Variants in CAMSAP1 observed in about 807,000 individuals in gnomAD.
CAMSAP1 encodes the protein calmodulin regulated spectrin associated protein 1.
Under a neutral mutation model 143.5 loss-of-function variants are expected in CAMSAP1, and 58 were observed. The ratio of observed to expected loss-of-function variants is 0.40; its 90% CI spans 0.33 to 0.50. The LOEUF (loss-of-function observed/expected upper bound fraction) is 0.50. Among genes scored for constraint, CAMSAP1 ranks in the 20% least tolerant of loss-of-function variants. The pLI is 0.45. For missense variants in CAMSAP1, 1,969 were observed against 2,115.7 expected, an observed-to-expected ratio of 0.93 and a Z score of 1.36; for synonymous variants, 945 against 859.3, an observed-to-expected ratio of 1.10 and a Z score of -1.74.
intron 7 of CAMSAP1, among the ~76,000 whole-genome samples, chr9:135,833,439 T>C (rs1835919289): frequency 1.3e-5 from 2 of 152,212 alleles, no homozygotes; most frequent in African/African-American, 2.4e-5. Flanking sequence ...TTTCAAATTA[T>C]ACTACAAAGC....
At position 135,815,083 on chromosome 9, in the gene CAMSAP1, A is replaced by C; in HGVS notation, c.4506+14T>G. On this transcript the variant is annotated intron_variant, in intron 16 of 16. Transcript: ENST00000389532. ...TATTCCACATAAAAACTGAGGTTGAAACATGATACTTGCCTCCAATATGGA... is the reference window on the plus strand; with the variant it reads ...TATTCCACATAAAAACTGAGGTTGACACATGATACTTGCCTCCAATATGGA... 2 of 1,572,606 alleles carry C rather than the reference A, an allele frequency of 1.3e-6. No individual in the cohort carries two copies. The highest frequency in any genetic ancestry group is 1.7e-6 in the Non-Finnish European group (2 of 1,145,338).
rs1364229363 is a variant in CAMSAP1, at chr9:135,907,226, G to C, written c.-67C>G. On this transcript the variant is annotated 5_prime_UTR_variant, in exon 1 of 17. Transcript: ENST00000389532. Reference sequence around the variant, plus strand: ...GGCGCCGCCGCCCCTCGCCGCGCCGGGCCCGGTGCGCCCCGAGCCACCACT... The same window carrying C: ...GGCGCCGCCGCCCCTCGCCGCGCCGCGCCCGGTGCGCCCCGAGCCACCACT... The C allele has an allele frequency of 6.1e-5, 60 of 977,412 alleles. No homozygotes were observed. The highest frequency in any genetic ancestry group is 7.0e-5 in the Non-Finnish European group (57 of 814,594). 60.5% of individuals were successfully genotyped at this position (977,412 alleles called of 1,614,324 possible). A position where few individuals can be genotyped will look rare whatever the true frequency, so the allele number is the denominator to read the frequency against.
intron 3 of CAMSAP1, among the ~76,000 whole-genome samples, chr9:135,879,095 G>T (rs1004619465): frequency 6.6e-6 from 1 of 152,198 alleles, no homozygotes; most frequent in African/African-American, 2.4e-5. Flanking sequence ...GAATGAGGAG[G>T]AGGGGAGTGG....
At chr9:135,827,606 A>G (rs769965097) in intron 7 of CAMSAP1, 22 bp from the exon 8 acceptor site, 5 of 1,543,646 alleles carry the variant, frequency 3.2e-6, no homozygotes, top group Non-Finnish European at 4.4e-6. Context: ...GCGTTTTTGC[A>G]TCGTTACTTA....
At position 135,811,112 on chromosome 9, in the gene CAMSAP1, T is replaced by C; in HGVS notation, c.*197A>G. Reference sequence around the variant, plus strand: ...CATCCTCACCCTGCCTGGCATCCTCTGCGTGAGATGAGCGCTGAGAGAGGG... The same window carrying C: ...CATCCTCACCCTGCCTGGCATCCTCCGCGTGAGATGAGCGCTGAGAGAGGG... On this transcript the variant is annotated 3_prime_UTR_variant, in exon 17 of 17. Coordinates refer to ENST00000389532, the MANE Select transcript of CAMSAP1 (RefSeq NM_015447.4). The surrounding 1 kb of genome is among the most constrained non-coding windows in gnomAD (Gnocchi z 4.9). 2 of 648,220 alleles carry C rather than the reference T, an allele frequency of 3.1e-6. No individual in the cohort carries two copies. The highest frequency in any genetic ancestry group is 2.6e-6 in the Non-Finnish European group (1 of 383,124). 40.2% of individuals were successfully genotyped at this position (648,220 alleles called of 1,614,324 possible).
Position 135,821,826 on chromosome 9 carries a change from C to G in CAMSAP1, c.2835G>C (p.Glu945Asp). ...FAKEYSQHNG[E>D]DCGDAVSKTE... Reference sequence around the variant, plus strand: ...TTTTGGAAACAGCGTCCCCACAGTCCTCCCCGTTGTGCTGAGAGTACTCCT... The same window carrying G: ...TTTTGGAAACAGCGTCCCCACAGTCGTCCCCGTTGTGCTGAGAGTACTCCT... Residue 945 changes from glutamate to aspartate, a missense_variant, in exon 11 of 17, where the codon GAG (glutamate) becomes GAC (aspartate). This residue lies in a region of CAMSAP1 where 1,390 missense variants were observed against 1,420.8 expected (regional missense o/e 0.98). Coordinates refer to ENST00000389532, the MANE Select transcript of CAMSAP1 (RefSeq NM_015447.4). The surrounding 1 kb of genome is among the most constrained non-coding windows in gnomAD (Gnocchi z 4.6). 6.2e-7 allele frequency: 1 copy of G among 1,614,044 alleles called. No homozygotes were observed. The highest frequency in any genetic ancestry group is 8.5e-7 in the Non-Finnish European group (1 of 1,179,910).
At chr9:135,878,152 C>A (rs1422600906) in intron 3 of CAMSAP1, among the ~76,000 whole-genome samples, 7 of 152,210 alleles carry the variant, frequency 4.6e-5, no homozygotes, top group African/African-American at 1.7e-4. Context: ...CCTCAGACGG[C>A]AGGGAGGCTC....
At chr9:135,889,568 C>G (rs1838226826) in intron 1 of CAMSAP1, among the ~76,000 whole-genome samples, 1 of 152,198 alleles carries the variant, frequency 6.6e-6, no homozygotes, top group East Asian at 1.9e-4. Context: ...AGACCAAGCC[C>G]GGAGCAGAGG....
intron 5 of CAMSAP1, among the ~76,000 whole-genome samples, chr9:135,851,833 C>A (rs574361845): frequency 6.6e-6 from 1 of 152,376 alleles, no homozygotes; most frequent in Non-Finnish European, 1.5e-5. Context: ...GCTGCCATCA[C>A]AAAGCTTGCG....
chr9:135,873,482 G>C (rs891917069), intron 3 of CAMSAP1, among the ~76,000 whole-genome samples: 2 of 152,054 alleles, frequency 1.3e-5, no homozygotes, highest in African/African-American at 4.8e-5. Flanking sequence ...GTATTAAATA[G>C]AGAAAATAAA....
chr9:135,844,608 A>C (rs1304142946), intron 7 of CAMSAP1, among the ~76,000 whole-genome samples: 2 of 152,106 alleles, frequency 1.3e-5, no homozygotes, highest in African/African-American at 2.4e-5. Flanking sequence ...CGATTAACAA[A>C]CTAGACTGCT....
Position 135,821,483 on chromosome 9 carries a change from A to G in CAMSAP1, c.3178T>C (p.Ser1060Pro). Residue 1060 changes from serine (S) to proline (P), a missense_variant, in exon 11 of 17, where the codon TCT (serine) becomes CCT (proline). Physicochemically the swap from Ser to Pro is moderately conservative, Grantham distance 74 (BLOSUM62 -1). Around this residue, in one of 4 missense-constraint regions of CAMSAP1, gnomAD observed 1,390 missense variants for 1,420.8 expected, o/e 0.98. Transcript: ENST00000389532. This position sits in a 1 kb window ranked among gnomAD's most constrained non-coding sequence, Gnocchi z 4.6. ...MKSPTVPVPG[S>P]KNNSQDHKVK... ...TTGTGGTCCTGCGAGTTATTCTTAG[A>G]GCCTGGCACTGGGACTGTGGGGGAC... The G allele has an allele frequency of 2.5e-6, 4 of 1,613,944 alleles. No individual in the cohort carries two copies. Among genetic ancestry groups the G allele is most frequent in the Non-Finnish European group, 3.4e-6 (4 of 1,179,880 alleles).
chr9:135,839,610 C>T (rs1211778230), intron 7 of CAMSAP1, among the ~76,000 whole-genome samples: 1 of 152,156 alleles, frequency 6.6e-6, no homozygotes, highest in Non-Finnish European at 1.5e-5. Flanking sequence ...GGGTACTGTA[C>T]GCCTGCTGAC....
chr9:135,900,370 CGA>C (rs746073377), intron 1 of CAMSAP1, among the ~76,000 whole-genome samples: 44 of 152,052 alleles, frequency 2.9e-4, no homozygotes, highest in Non-Finnish European at 5.4e-4. Context: ...AGTGATGGGA[CGA>C]GAGTGACTGG....
chr9:135,860,597 CAAAAAAAAA>C (rs35415924), intron 5 of CAMSAP1, among the ~76,000 whole-genome samples: 1 of 62,044 alleles, frequency 1.6e-5, no homozygotes, highest in East Asian at 4.6e-4. Flanking sequence ...GACTCTGCCT[CAAAAAAAAA>C]AAAAAAAAAA....
At chr9:135,843,805 C>T (rs1228917713) in intron 7 of CAMSAP1, among the ~76,000 whole-genome samples, 1 of 140,296 alleles carries the variant, frequency 7.1e-6, no homozygotes, top group Non-Finnish European at 1.5e-5. Context: ...ACCTGGGAGG[C>T]GGAGCTTGCA....
At chr9:135,877,236 C>T (rs1033382992) in intron 3 of CAMSAP1, among the ~76,000 whole-genome samples, 5 of 151,780 alleles carry the variant, frequency 3.3e-5, no homozygotes, top group Admixed American at 1.3e-4. Context: ...AAGCCAAACA[C>T]AAGAAGAGCA....
intron 14 of CAMSAP1, 42 bp downstream of exon 14, chr9:135,817,935 C>T (rs756844689): frequency 6.4e-7 from 1 of 1,560,894 alleles, no homozygotes; most frequent in Non-Finnish European, 8.8e-7. Context: ...CCCCTCCGAA[C>T]GTCCTCCAGC....
chr9:135,833,724 C>T (rs1245567587), intron 7 of CAMSAP1, among the ~76,000 whole-genome samples: 1 of 152,128 alleles, frequency 6.6e-6, no homozygotes, highest in Admixed American at 6.5e-5. Context: ...AACTGTAAAA[C>T]TCTAGGGAAA....
Sources: allele counts gnomAD v4.1 joint callset (sites outside exome capture counted in the v4.1 genomes callset), GRCh38; gene constraint gnomAD v4.1.1; regional missense constraint gnomAD v4.1.1; non-coding constraint Gnocchi (gnomAD v3.1); transcripts MANE v1.5; gene names NCBI Gene and HGNC (gene_info 2026-07-23, HGNC 2026-07-21).